Variants in CCBE1 observed in about 807,000 individuals in gnomAD.
The protein encoded by CCBE1 is collagen and calcium binding EGF domains 1.
A neutral mutation model predicts 50.0 loss-of-function variants in CCBE1; 37 were observed. The observed-to-expected ratio is 0.74, with a 90% confidence interval of 0.57 to 0.97. The LOEUF is 0.97. Among genes scored for constraint, CCBE1 ranks in the 50% least tolerant of loss-of-function variants. The pLI, the probability that CCBE1 is intolerant of heterozygous loss-of-function variation, is 0.00. For missense variants in CCBE1, 538 were observed against 523.8 expected, an observed-to-expected ratio of 1.03 and a Z score of -0.26; for synonymous variants, 234 against 203.7, an observed-to-expected ratio of 1.15 and a Z score of -1.27.
chr18:59,534,017 G>C (rs1915149343), intron 2 of CCBE1, among the ~76,000 whole-genome samples: 1 of 152,016 alleles, frequency 6.6e-6, no homozygotes, highest in African/African-American at 2.4e-5. Context: ...AGATTCCAAA[G>C]AAAAAAATTG....
intron 6 of CCBE1, among the ~76,000 whole-genome samples, chr18:59,450,300 T>C (rs1208828691): frequency 1.3e-5 from 2 of 152,228 alleles, no homozygotes; most frequent in Non-Finnish European, 2.9e-5. Flanking sequence ...TCTTTCTAGA[T>C]GGATGGCGCT....
At chr18:59,493,155 T>C (rs667482) in intron 2 of CCBE1, among the ~76,000 whole-genome samples, 99,962 of 152,136 alleles carry the variant, frequency 0.66, 33,524 homozygotes, top group African/African-American at 0.79. Flanking sequence ...AGGAGAGAGT[T>C]TCACTTGTAA....
At chr18:59,618,332 T>G (rs1281068211) in intron 2 of CCBE1, among the ~76,000 whole-genome samples, 1 of 151,264 alleles carries the variant, frequency 6.6e-6, no homozygotes, top group Non-Finnish European at 1.5e-5. Context: ...GAATCTAGTT[T>G]AAAAAAGAAA....
At chr18:59,647,079 A>C (rs1045727607) in intron 2 of CCBE1, among the ~76,000 whole-genome samples, 8 of 152,248 alleles carry the variant, frequency 5.3e-5, no homozygotes, top group Non-Finnish European at 5.9e-5. Context: ...TGACTAAAGC[A>C]AAAAGCTGAT....
chr18:59,594,934 A>G (rs1442187074), intron 2 of CCBE1, among the ~76,000 whole-genome samples: 1 of 152,058 alleles, frequency 6.6e-6, no homozygotes, highest in Non-Finnish European at 1.5e-5. Context: ...CAACATGGTG[A>G]AAACCCATCT....
At chr18:59,450,780 C>A (rs1046826016) in intron 6 of CCBE1, among the ~76,000 whole-genome samples, 1 of 152,224 alleles carries the variant, frequency 6.6e-6, no homozygotes, top group South Asian at 2.1e-4. Context: ...AGTGATCCGC[C>A]CGCCTTGGCT....
intron 2 of CCBE1, among the ~76,000 whole-genome samples, chr18:59,675,141 C>A (rs2054482264): frequency 6.6e-6 from 1 of 152,150 alleles, no homozygotes; most frequent in Admixed American, 6.5e-5. Flanking sequence ...AGAAAGTAAC[C>A]TAGTCAGCTG....
At chr18:59,599,414 C>A (rs1023976103) in intron 2 of CCBE1, among the ~76,000 whole-genome samples, 2 of 152,100 alleles carry the variant, frequency 1.3e-5, no homozygotes, top group African/African-American at 4.8e-5. Context: ...AATTACCATA[C>A]CTGGATAAAA....
chr18:59,450,194 A>G (rs568317272), intron 6 of CCBE1, among the ~76,000 whole-genome samples: 80 of 152,318 alleles, frequency 5.3e-4, no homozygotes, highest in African/African-American at 1.8e-3. Flanking sequence ...TTTTGCCTCA[A>G]AGAGCTGTTG....
At position 59,469,560 on chromosome 18, in the gene CCBE1, T is replaced by C. The variant is rs116737554; in HGVS notation, c.313A>G (p.Asn105Asp). 1 of 1,614,200 alleles carries C rather than the reference T, an allele frequency of 6.2e-7. No homozygotes were observed. The highest frequency in any genetic ancestry group is 1.3e-5 in the African/African-American group (1 of 75,066). The part of the protein sequence containing the change: ...EAPCEQQCTD[N>D]FGRVLCTCYP... Reference sequence around the variant, plus strand: ...CAAGTACACAGCACTCGGCCAAAGTTGTCCGTGCACTGCTGTTCACAGGGA... The same window carrying C: ...CAAGTACACAGCACTCGGCCAAAGTCGTCCGTGCACTGCTGTTCACAGGGA... The change falls in exon 4 of 11, where the codon AAC becomes GAC. Residue 105 changes from asparagine (N) to aspartate (D), a missense_variant. Physicochemically the swap from Asn to Asp is conservative, Grantham distance 23. Coordinates refer to ENST00000439986, the MANE Select transcript of CCBE1 (RefSeq NM_133459.4).
chr18:59,511,482 G>C (rs372729804), intron 2 of CCBE1, among the ~76,000 whole-genome samples: 49 of 152,186 alleles, frequency 3.2e-4, no homozygotes, highest in African/African-American at 1.0e-3. Flanking sequence ...AATTTGCTTA[G>C]GAGGTTTGAA....
chr18:59,530,830 T>C (rs1475899024), intron 2 of CCBE1, among the ~76,000 whole-genome samples: 1 of 152,222 alleles, frequency 6.6e-6, no homozygotes, highest in Non-Finnish European at 1.5e-5. Context: ...TTCTTAAATA[T>C]CTTATTAATC....
At chr18:59,601,010 G>GGTTTTTTTTTTTTTTTT in intron 2 of CCBE1, among the ~76,000 whole-genome samples, 1 of 58,014 alleles carries the variant, frequency 1.7e-5, no homozygotes, top group African/African-American at 5.4e-5. Flanking sequence ...CTATGTGTCA[G>GGTTTTTTTTTTTTTTTT]TTTTTTTTTT....
chr18:59,466,951 GA>G, intron 4 of CCBE1, 60 bp from the exon 5 acceptor site: 1 of 1,439,014 alleles, frequency 6.9e-7, no homozygotes, highest in African/African-American at 1.4e-5. Flanking sequence ...TAATACAACA[GA>G]TGACATTGGG....
At chr18:59,666,244 G>A (rs187235262) in intron 2 of CCBE1, 1 of 152,260 alleles carries the variant, frequency 6.6e-6, no homozygotes, top group East Asian at 1.9e-4. Context: ...AACGGCACGG[G>A]AAAAACCCAC....
intron 2 of CCBE1, among the ~76,000 whole-genome samples, chr18:59,493,536 T>G (rs1913208279): frequency 1.5e-5 from 2 of 134,112 alleles, no homozygotes; most frequent in African/African-American, 6.0e-5. Flanking sequence ...TATTTAATTC[T>G]CATAAAAACT....
chr18:59,631,305 T>A (rs2053845738), intron 2 of CCBE1, among the ~76,000 whole-genome samples: 1 of 152,090 alleles, frequency 6.6e-6, no homozygotes, highest in Non-Finnish European at 1.5e-5. Context: ...ATCCTGATGA[T>A]AGGGTTTCAG....
At chr18:59,613,310 AT>A (rs1054956281) in intron 2 of CCBE1, among the ~76,000 whole-genome samples, 4 of 152,084 alleles carry the variant, frequency 2.6e-5, no homozygotes, top group Admixed American at 1.3e-4. Flanking sequence ...TGTCAGTGTG[AT>A]TTTTTTTGTA....
At chr18:59,583,697 G>A (rs1049972494) in intron 2 of CCBE1, among the ~76,000 whole-genome samples, 14 of 139,028 alleles carry the variant, frequency 1.0e-4, no homozygotes, top group African/African-American at 2.8e-4. Context: ...GCGCGCGCGC[G>A]CGCGTGTGTG....
Sources: allele counts gnomAD v4.1 joint callset (sites outside exome capture counted in the v4.1 genomes callset), GRCh38; gene constraint gnomAD v4.1.1; transcripts MANE v1.5; gene names NCBI Gene and HGNC (gene_info 2026-07-23, HGNC 2026-07-21).